The following MYO3B variants were observed in gnomAD, a reference collection of about 807,000 sequenced individuals.
MYO3B encodes myosin IIIB.
In MYO3B, 156 loss-of-function variants were observed where a neutral mutation model predicts 174.6. The observed-to-expected ratio is 0.89, with a 90% CI of 0.78 to 1.02. The LOEUF is 1.02. Among genes scored for constraint, MYO3B ranks in the 50% least tolerant of loss-of-function variants. The probability of loss-of-function intolerance (pLI) is 0.00; values close to 1 mark genes in which losing one functional copy is unlikely to be tolerated. For synonymous variants in MYO3B, 563 were observed against 569.1 expected (o/e 0.99, Z 0.15); for missense variants, 1,632 against 1,639.4 (o/e 1.00, Z 0.08).
chr2:170,443,355 T>G (rs2094816468), intron 22 of MYO3B, among the ~76,000 whole-genome samples: 1 of 152,244 alleles, frequency 6.6e-6, no homozygotes, highest in African/African-American at 2.4e-5. Flanking sequence ...TGATTTTTTC[T>G]TGTAAATTTA....
chr2:170,424,888 A>C (rs1381192322), intron 22 of MYO3B, among the ~76,000 whole-genome samples: 2 of 152,266 alleles, frequency 1.3e-5, no homozygotes, highest in African/African-American at 4.8e-5. Context: ...AAGAAAAAGA[A>C]ATTCTGCTTC....
chr2:170,248,484 G>A (rs535758537), intron 7 of MYO3B, among the ~76,000 whole-genome samples: 13 of 152,244 alleles, frequency 8.5e-5, no homozygotes, highest in South Asian at 6.2e-4. Context: ...CTTTAGTTCC[G>A]AAAGTCAGAA....
chr2:170,576,305 T>C (rs1193458378), intron 32 of MYO3B, among the ~76,000 whole-genome samples: 1 of 152,200 alleles, frequency 6.6e-6, no homozygotes, highest in Non-Finnish European at 1.5e-5. Context: ...GTCCGGCTGA[T>C]GCTGGTCTCT....
intron 3 of MYO3B, among the ~76,000 whole-genome samples, chr2:170,201,743 T>A (rs983882742): frequency 5.4e-5 from 8 of 148,520 alleles, no homozygotes; most frequent in African/African-American, 1.7e-4. Flanking sequence ...GGATTTTATC[T>A]TGCCAATGAA....
chr2:170,608,401 G>A (rs113204333), intron 32 of MYO3B, among the ~76,000 whole-genome samples: 2,101 of 152,282 alleles, frequency 0.014, 50 homozygotes, highest in African/African-American at 0.047. Context: ...AAAGGATGGT[G>A]CTTTGTAAGC....
intron 32 of MYO3B, among the ~76,000 whole-genome samples, chr2:170,588,815 A>T (rs1427596549): frequency 5.9e-5 from 9 of 152,222 alleles, no homozygotes; most frequent in Admixed American, 2.0e-4. Flanking sequence ...TATAACATCT[A>T]TGACTGCATC....
chr2:170,306,126 G>A (rs1322327397), intron 7 of MYO3B, among the ~76,000 whole-genome samples: 3 of 152,168 alleles, frequency 2.0e-5, no homozygotes, highest in Admixed American at 6.5e-5. Flanking sequence ...GCTGGATCCC[G>A]CTTCCTATGC....
chr2:170,628,482 C>T (rs12468706), intron 32 of MYO3B, among the ~76,000 whole-genome samples: 12,468 of 152,232 alleles, frequency 0.082, 754 homozygotes, highest in East Asian at 0.28. Flanking sequence ...ATTCCCTGAC[C>T]CCTTGTGCTT....
chr2:170,228,367 G>A (rs1269484119), intron 6 of MYO3B, among the ~76,000 whole-genome samples: 1 of 152,152 alleles, frequency 6.6e-6, no homozygotes, highest in Admixed American at 6.6e-5. Flanking sequence ...AATCTTAAAG[G>A]TCCTTTCATT....
chr2:170,415,059 CT>C (rs1408743146), intron 22 of MYO3B, among the ~76,000 whole-genome samples: 2 of 152,076 alleles, frequency 1.3e-5, no homozygotes, highest in Non-Finnish European at 2.9e-5. Flanking sequence ...AATCTTAATG[CT>C]TTTTATTTCT....
chr2:170,635,386 C>G (rs542790203), intron 32 of MYO3B, among the ~76,000 whole-genome samples: 115 of 152,230 alleles, frequency 7.6e-4, no homozygotes, highest in Non-Finnish European at 1.3e-3. Context: ...ACTGCGTGTT[C>G]TCACTCATAG....
rs1687285343 is a variant in MYO3B, at chr2:170,501,770, G to A, written c.3290-15G>A. 1 of 1,579,150 alleles carries A rather than the reference G, an allele frequency of 6.3e-7. No homozygotes were observed. The highest frequency in any genetic ancestry group is 8.7e-7 in the Non-Finnish European group (1 of 1,149,384). ...AAATTAATGTCATTCCTAGCACATG[G>A]TTTTATATTTTTAGCCTGGAGAGGA... On this transcript the variant is annotated splice_polypyrimidine_tract_variant and intron_variant, in intron 27 of 34. Coordinates refer to ENST00000408978, the MANE Select transcript of MYO3B (RefSeq NM_138995.5).
chr2:170,381,170 A>G lies in MYO3B; in HGVS notation c.972-846A>G, dbSNP rs933313834. ...AATTTTAAAAACAACAACCCCCCCC[A>G]TCGGACTGAGTAAATAAATAGGTAC... is the stretch of plus-strand genomic sequence containing the variant. On this transcript the variant is annotated intron_variant, in intron 9 of 34. Transcript: ENST00000408978. Among the ~76,000 whole-genome samples the G allele has an allele frequency of 4.6e-5, 7 of 152,116 alleles. No homozygotes were observed. The South Asian group carries it at 1.0e-3, about 23-fold the overall frequency.
At position 170,200,371 on chromosome 2, in the gene MYO3B, T is replaced by C. The variant is rs980643233; in HGVS notation, c.321+87T>C. On this transcript the variant is annotated intron_variant, in intron 3 of 34. Coordinates refer to ENST00000408978, the MANE Select transcript of MYO3B (RefSeq NM_138995.5). ...TTATTACCTAGAGGGTGTTTTAAGG[T>C]ACACATTTGAGGAGTAGGTCCCTCC... 2.4e-5 allele frequency: 35 copies of C among 1,483,248 alleles called. No homozygotes were observed. The African/African-American group carries it at 4.4e-4, about 19-fold the overall frequency. 91.9% of individuals were successfully genotyped at this position (1,483,248 alleles called of 1,614,324 possible).
rs200473473 is a variant in MYO3B at position 170,499,939 on chromosome 2, CTTCCTTCCTTCT to C, written c.3289+143_3289+154del. On this transcript the variant is annotated intron_variant, in intron 27 of 34. Transcript: ENST00000408978. ...CCTTCTCCCCTCCCTCCCTCCCTTC[CTTCCTTCCTTCT>C]TTCCTTCCTTCCTTCCTTCTTTCCT... 3.1e-4 allele frequency: 213 copies of C among 679,222 alleles called. 2 individuals carry two copies. The highest frequency in any genetic ancestry group is 1.9e-3 in the African/African-American group (103 of 54,214). 42.1% of individuals were successfully genotyped at this position (679,222 alleles called of 1,614,324 possible).
chr2:170,270,799 A>G (rs1359155579), intron 7 of MYO3B, among the ~76,000 whole-genome samples: 1 of 152,208 alleles, frequency 6.6e-6, no homozygotes, highest in Non-Finnish European at 1.5e-5. Flanking sequence ...CAAGGGAGCT[A>G]CAACCGATGG....
intron 30 of MYO3B, among the ~76,000 whole-genome samples, chr2:170,540,939 G>A (rs568392602): frequency 2.0e-5 from 3 of 152,272 alleles, no homozygotes; most frequent in African/African-American, 7.2e-5. Flanking sequence ...AACCTGGCTT[G>A]TAGGCTAATC....
intron 25 of MYO3B, among the ~76,000 whole-genome samples, chr2:170,493,734 T>A (rs1355935213): frequency 6.6e-6 from 1 of 152,188 alleles, no homozygotes; most frequent in Non-Finnish European, 1.5e-5. Context: ...TCTCTCCCTC[T>A]CTGCCCCCAA....
intron 32 of MYO3B, among the ~76,000 whole-genome samples, chr2:170,649,691 G>T (rs182984243): frequency 6.6e-6 from 1 of 150,674 alleles, no homozygotes; most frequent in Non-Finnish European, 1.5e-5. Context: ...GCTGGGTGTG[G>T]TGGTGCACAC....
Sources: allele counts gnomAD v4.1 joint callset (sites outside exome capture counted in the v4.1 genomes callset), GRCh38; gene constraint gnomAD v4.1.1; transcripts MANE v1.5; gene names NCBI Gene and HGNC (gene_info 2026-07-23, HGNC 2026-07-21).